The following MAPK4 variants were observed in gnomAD, a reference collection of about 807,000 sequenced individuals.
The protein encoded by MAPK4 is Erk3-related.
Under a neutral mutation model 47.7 loss-of-function variants are expected in MAPK4, and 22 were observed. The observed-to-expected ratio is 0.46, with a 90% CI of 0.33 to 0.66. The LOEUF (loss-of-function observed/expected upper bound fraction) is 0.66. Ranked by LOEUF, MAPK4 falls within the 30% of genes least tolerant of loss-of-function variation. MAPK4 has a pLI of 0.02. For synonymous variants in MAPK4, 390 were observed against 365.7 expected, an observed-to-expected ratio of 1.07 and a Z score of -0.76; for missense variants, 736 against 831.7, an observed-to-expected ratio of 0.88 and a Z score of 1.42.
rs533638193 is a variant in MAPK4, at chr18:50,627,156, G to T, written c.-870-35933G>T. On this transcript the variant is annotated intron_variant, in intron 1 of 5. Coordinates refer to ENST00000400384, the MANE Select transcript of MAPK4 (RefSeq NM_002747.4). ...CCTGTGGACCACATGGTCAGAGGAG[G>T]CTTCCTGGGAGAGGCGGACTTGGAC... Among the ~76,000 whole-genome samples, 4 of 151,718 alleles carry T rather than the reference G, an allele frequency of 2.6e-5. No individual in the cohort carries two copies. The East Asian group carries it at 7.8e-4, about 30-fold the overall frequency.
rs1309409801 is a variant in MAPK4, at chr18:50,715,231, G to A, written c.691+8G>A. ...GGAGAATGCTCTTTGCTGGTGAGTT[G>A]CTAACTATGCCACCTTCCTTCTCAT... On this transcript the variant is annotated splice_region_variant and intron_variant, in intron 3 of 5. Transcript: ENST00000400384. 1.2e-6 allele frequency: 2 copies of A among 1,612,174 alleles called. No individual in the cohort carries two copies. Among genetic ancestry groups the A allele is most frequent in the South Asian group, 2.2e-5 (2 of 90,676 alleles).
intron 2 of MAPK4, among the ~76,000 whole-genome samples, chr18:50,690,059 G>A (rs1167971514): frequency 6.6e-6 from 1 of 152,098 alleles, no homozygotes; most frequent in Non-Finnish European, 1.5e-5. Flanking sequence ...GAAGAGTTTG[G>A]GGAAGGGGCT....
chr18:50,577,877 T>C (rs1431657924), intron 1 of MAPK4, among the ~76,000 whole-genome samples: 1 of 152,080 alleles, frequency 6.6e-6, no homozygotes, highest in Non-Finnish European at 1.5e-5. Flanking sequence ...GTATCTGCAG[T>C]GATAGGAGTG....
intron 2 of MAPK4, among the ~76,000 whole-genome samples, chr18:50,677,496 G>A (rs561884993): frequency 2.0e-5 from 3 of 152,176 alleles, no homozygotes; most frequent in African/African-American, 4.8e-5. Flanking sequence ...AGGAGTCCAC[G>A]GACAGGGACC....
chr18:50,666,101 A>T (rs1369855579), intron 2 of MAPK4, among the ~76,000 whole-genome samples: 1 of 152,234 alleles, frequency 6.6e-6, no homozygotes, highest in Non-Finnish European at 1.5e-5. Flanking sequence ...TTTGAGTATC[A>T]TATGATGAAA....
At chr18:50,621,790 C>G (rs1042232824) in intron 1 of MAPK4, among the ~76,000 whole-genome samples, 3 of 152,194 alleles carry the variant, frequency 2.0e-5, no homozygotes, top group African/African-American at 7.2e-5. Flanking sequence ...TTATGATTTC[C>G]CTGGAGTTTC....
chr18:50,651,588 C>G (rs2043049483), intron 1 of MAPK4, among the ~76,000 whole-genome samples: 1 of 152,216 alleles, frequency 6.6e-6, no homozygotes, highest in Admixed American at 6.5e-5. Context: ...GTGGGTCTGA[C>G]TCTCAGGGTT....
intron 3 of MAPK4, among the ~76,000 whole-genome samples, chr18:50,717,020 C>T (rs1910674664): frequency 1.3e-5 from 2 of 152,336 alleles, no homozygotes; most frequent in Admixed American, 6.5e-5. Flanking sequence ...CATCATCCCC[C>T]ACACTGAGGC....
chr18:50,657,965 G>A (rs1454130094), intron 1 of MAPK4, among the ~76,000 whole-genome samples: 2 of 152,054 alleles, frequency 1.3e-5, no homozygotes, highest in South Asian at 2.1e-4. Flanking sequence ...TCAGCTACAG[G>A]CCGTGCTAGT....
chr18:50,653,289 G>A (rs1028825418), intron 1 of MAPK4, among the ~76,000 whole-genome samples: 1 of 152,148 alleles, frequency 6.6e-6, no homozygotes, highest in African/African-American at 2.4e-5. Context: ...AAGTGTGAAG[G>A]CCCAGAGGTA....
At chr18:50,722,655 A>G (rs1220032789) in intron 4 of MAPK4, among the ~76,000 whole-genome samples, 1 of 152,184 alleles carries the variant, frequency 6.6e-6, no homozygotes, top group Non-Finnish European at 1.5e-5. Flanking sequence ...CGAAACGTCC[A>G]TCTTGTGACA....
intron 1 of MAPK4, among the ~76,000 whole-genome samples, chr18:50,606,959 C>T (rs907272777): frequency 1.3e-5 from 2 of 152,198 alleles, no homozygotes; most frequent in Non-Finnish European, 2.9e-5. Context: ...CTACGTGAGC[C>T]GAGTCCCTGT....
At chr18:50,574,107 A>G (rs1009279376) in intron 1 of MAPK4, among the ~76,000 whole-genome samples, 4 of 152,122 alleles carry the variant, frequency 2.6e-5, no homozygotes, top group African/African-American at 9.7e-5. Context: ...AAATACTCCA[A>G]GCTGCCTCCT....
intron 1 of MAPK4, among the ~76,000 whole-genome samples, chr18:50,661,106 C>T (rs2043167046): frequency 6.6e-6 from 1 of 152,200 alleles, no homozygotes; most frequent in South Asian, 2.1e-4. Flanking sequence ...GTTTACAACC[C>T]AGCAGAAGCT....
At chr18:50,655,915 G>C (rs73959990) in intron 1 of MAPK4, among the ~76,000 whole-genome samples, 1 of 152,116 alleles carries the variant, frequency 6.6e-6, no homozygotes, top group Non-Finnish European at 1.5e-5. Context: ...AGCCATTCCT[G>C]TGTCCACTGA....
At chr18:50,657,383 G>A (rs1568065827) in intron 1 of MAPK4, among the ~76,000 whole-genome samples, 1 of 152,134 alleles carries the variant, frequency 6.6e-6, no homozygotes, top group Non-Finnish European at 1.5e-5. Flanking sequence ...TAGTGGGTTG[G>A]GATCAGAGTT....
At chr18:50,662,707 A>G (rs7240766) in intron 1 of MAPK4, among the ~76,000 whole-genome samples, 6,616 of 152,322 alleles carry the variant, frequency 0.043, 461 homozygotes, top group African/African-American at 0.15. Flanking sequence ...TCTGCAACTC[A>G]TTGCTTTCTA....
At chr18:50,584,009 A>G (rs1046789489) in intron 1 of MAPK4, among the ~76,000 whole-genome samples, 1 of 152,210 alleles carries the variant, frequency 6.6e-6, no homozygotes, top group African/African-American at 2.4e-5. Context: ...GCTTCAGGGC[A>G]TATTGAGGAT....
chr18:50,600,546 A>T (rs1367799718), intron 1 of MAPK4, among the ~76,000 whole-genome samples: 3 of 152,186 alleles, frequency 2.0e-5, no homozygotes, highest in Non-Finnish European at 4.4e-5. Context: ...ATGCATAGCC[A>T]TGACCATCAG....
Sources: gnomAD v4.1 joint callset for allele counts (sites outside exome capture counted in the v4.1 genomes callset) on GRCh38, gnomAD v4.1.1 for gene constraint, MANE v1.5 for transcripts, NCBI Gene and HGNC (gene_info 2026-07-23, HGNC 2026-07-21) for gene names.